Variants in RYK observed in about 807,000 individuals in gnomAD.
RYK encodes receptor like tyrosine kinase.
In RYK, 21 loss-of-function variants were observed where a neutral mutation model predicts 70.2. The ratio of observed to expected loss-of-function variants is 0.30; its 90% CI spans 0.21 to 0.43. RYK has a LOEUF of 0.43. Ranked by LOEUF, RYK falls within the 20% of genes least tolerant of loss-of-function variation. The pLI is 1.00. For synonymous variants in RYK, 267 were observed against 278.0 expected (o/e 0.96, Z 0.39); for missense variants, 604 against 753.3 (o/e 0.80, Z 2.32).
At chr3:134,250,365 C>T in intron 1 of RYK, 58 bp downstream of exon 1, 2 of 1,151,568 alleles carry the variant, frequency 1.7e-6, no homozygotes, top group South Asian at 2.1e-5. Context: ...CCGCCGGCGG[C>T]CGGAAGCTGC....
intron 1 of RYK, among the ~76,000 whole-genome samples, chr3:134,232,841 C>T (rs890564867): frequency 6.6e-6 from 1 of 152,174 alleles, no homozygotes; most frequent in Admixed American, 6.5e-5. Context: ...TATTAATTTT[C>T]CTAGGCAAGG....
At position 134,157,710 on chromosome 3, in the gene RYK, T is replaced by A. The variant is rs1413767963; in HGVS notation, c.*443A>T. On this transcript the variant is annotated 3_prime_UTR_variant, in exon 15 of 15. Coordinates refer to ENST00000623711, the MANE Select transcript of RYK (RefSeq NM_002958.4). ...AGTATTGCATCTTGAAGACAAACCATTTCCCAGAGTAGTGATAAAAAATAA... is the reference window on the plus strand; with the variant it reads ...AGTATTGCATCTTGAAGACAAACCAATTCCCAGAGTAGTGATAAAAAATAA... 6.5e-6 allele frequency: 1 copy of A among 152,870 alleles called. No homozygotes were observed. Among genetic ancestry groups the A allele is most frequent in the East Asian group, 1.9e-4 (1 of 5,202 alleles). The allele number at this position is 152,870 out of a possible 1,614,324, so 9.5% of individuals were successfully genotyped here.
rs114287558 is a variant in RYK, at chr3:134,192,783, C to A, written c.890-809G>T. ...TGATCATCAATGGTTGCCAGGAGAA[C>A]CACATGAAAAGTTTTGGGCAACTTT... On this transcript the variant is annotated intron_variant, in intron 7 of 14. Transcript: ENST00000623711. 6.2e-3 allele frequency among the ~76,000 whole-genome samples: 938 copies of A among 152,290 alleles called. 10 individuals carry two copies. Among genetic ancestry groups the A allele is most frequent in the African/African-American group, 0.022 (899 of 41,556 alleles).
At chr3:134,193,617 C>T (rs367551098) in intron 7 of RYK, among the ~76,000 whole-genome samples, 2 of 152,288 alleles carry the variant, frequency 1.3e-5, no homozygotes, top group African/African-American at 4.8e-5. Flanking sequence ...AATGATGTGC[C>T]TCTTCTGAGT....
intron 9 of RYK, among the ~76,000 whole-genome samples, chr3:134,187,354 AAAATTTT>A (rs2013497495): frequency 6.6e-6 from 1 of 152,214 alleles, no homozygotes; most frequent in Non-Finnish European, 1.5e-5. Flanking sequence ...TAAACTGTAT[AAAATTTT>A]ATCACTTTCT....
chr3:134,164,217 T>A (rs10935104), intron 13 of RYK, among the ~76,000 whole-genome samples: 36,310 of 152,122 alleles, frequency 0.24, 5,992 homozygotes, highest in East Asian at 0.79. Flanking sequence ...ATTTGTTAGC[T>A]GCAGTGATCA....
In RYK at chr3:134,192,120, G is replaced by A. The variant is rs563051019; in HGVS notation, c.890-146C>T. ...GGAAACAGGCATATATATGAACTAG[G>A]AGAGTTATTTGAAGGCCACACTAAA... On this transcript the variant is annotated intron_variant, in intron 7 of 14. Coordinates refer to ENST00000623711, the MANE Select transcript of RYK (RefSeq NM_002958.4). 1.8e-5 allele frequency: 13 copies of A among 722,684 alleles called. 1 individual carries two copies. In the Admixed American group the frequency reaches 2.1e-4, roughly 12 times the overall value. The allele number at this position is 722,684 out of a possible 1,614,324, so 44.8% of individuals were successfully genotyped here. A position where few individuals can be genotyped will look rare whatever the true frequency, so the allele number is the denominator to read the frequency against.
At chr3:134,177,241 T>C (rs2013137128) in intron 11 of RYK, among the ~76,000 whole-genome samples, 2 of 152,158 alleles carry the variant, frequency 1.3e-5, no homozygotes, top group Admixed American at 6.5e-5. Flanking sequence ...AGCTTTAGTC[T>C]TGTCAATTTA....
rs1489242446 is a variant in RYK, at chr3:134,166,079, G to A, written c.1576-6706C>T. On this transcript the variant is annotated intron_variant, in intron 13 of 14. Coordinates refer to ENST00000623711, the MANE Select transcript of RYK (RefSeq NM_002958.4). ...ATGACATAAATTTTGGAAGGCCAGT[G>A]GCAGAATGTGGTGGACTGAATGTGT... Among the ~76,000 whole-genome samples, 2 of 152,206 alleles carry A rather than the reference G, an allele frequency of 1.3e-5. 1 individual carries two copies.
intron 9 of RYK, 88 bp downstream of exon 9, chr3:134,188,749 A>G (rs1197979109): frequency 2.4e-5 from 18 of 757,266 alleles, no homozygotes; most frequent in Non-Finnish European, 3.8e-5. Context: ...GGTCTGGCAC[A>G]CATTGGGAAA....
intron 6 of RYK, among the ~76,000 whole-genome samples, chr3:134,202,227 A>T (rs1309506255): frequency 6.6e-6 from 1 of 152,206 alleles, no homozygotes; most frequent in Non-Finnish European, 1.5e-5. Flanking sequence ...TACTACCACA[A>T]ACCAACTGCA....
In RYK at chr3:134,250,562, A is replaced by AAGCAGC; in HGVS notation, c.87_92dup (p.Leu32_Leu33dup). ...GCAGCAGCGGCAACAGCGCAAGCAG[A>AAGCAGC]AGCAGCAGCGGCGGCGGCGGCGGGG... On this transcript the variant is annotated inframe_insertion, in exon 1 of 15. Coordinates refer to ENST00000623711, the MANE Select transcript of RYK (RefSeq NM_002958.4). The AAGCAGC allele has an allele frequency of 9.2e-7, 1 of 1,091,514 alleles. No individual in the cohort carries two copies. The highest frequency in any genetic ancestry group is 1.1e-6 in the Non-Finnish European group (1 of 876,390). The allele number at this position is 1,091,514 out of a possible 1,614,324, so 67.6% of individuals were successfully genotyped here. A position where few individuals can be genotyped will look rare whatever the true frequency, so the allele number is the denominator to read the frequency against.
At chr3:134,197,958 T>A (rs1252666582) in intron 6 of RYK, among the ~76,000 whole-genome samples, 1 of 152,182 alleles carries the variant, frequency 6.6e-6, no homozygotes, top group African/African-American at 2.4e-5. Flanking sequence ...CAACAGATAT[T>A]AAGTGGGTCC....
At chr3:134,224,281 A>C (rs1317642695) in intron 1 of RYK, among the ~76,000 whole-genome samples, 2 of 152,176 alleles carry the variant, frequency 1.3e-5, no homozygotes, top group South Asian at 2.1e-4. Flanking sequence ...AGGTCACATA[A>C]GTCACGTGTC....
chr3:134,216,254 C>T (rs1245973607), intron 2 of RYK, among the ~76,000 whole-genome samples: 1 of 152,144 alleles, frequency 6.6e-6, no homozygotes, highest in Non-Finnish European at 1.5e-5. Flanking sequence ...CACTTGTCTA[C>T]AGCCAAATAG....
Position 134,202,662 on chromosome 3 carries a change from G to C in RYK, c.788+68C>G, listed in dbSNP as rs2014061784. 4 of 1,422,128 alleles carry C rather than the reference G, an allele frequency of 2.8e-6. No homozygotes were observed. The South Asian group carries it at 4.9e-5, about 17-fold the overall frequency. The allele number at this position is 1,422,128 out of a possible 1,614,324, so 88.1% of individuals were successfully genotyped here. ...TCCCTGCACCACTGTGCATCGATGT[G>C]TATGGGCTCCCACATATATACAAAT... On this transcript the variant is annotated intron_variant, in intron 6 of 14. Transcript: ENST00000623711.
At chr3:134,158,715 C>A (rs1369815958) in intron 14 of RYK, among the ~76,000 whole-genome samples, 1 of 152,156 alleles carries the variant, frequency 6.6e-6, no homozygotes, top group Non-Finnish European at 1.5e-5. Flanking sequence ...TCTGTACGAT[C>A]AATCACCCTG....
chr3:134,158,304 T>C (rs1433032775), intron 14 of RYK, 40 bp from the exon 15 acceptor site: 3 of 1,337,636 alleles, frequency 2.2e-6, no homozygotes, highest in Non-Finnish European at 1.0e-6. Context: ...CTAGTAAGGA[T>C]ACAGTATTCA....
At chr3:134,246,301 A>C (rs1337288045) in intron 1 of RYK, among the ~76,000 whole-genome samples, 2 of 103,664 alleles carry the variant, frequency 1.9e-5, no homozygotes, top group East Asian at 6.8e-4. Flanking sequence ...CTCAGAAAGA[A>C]ATACACACAC....
Sources: allele counts gnomAD v4.1 joint callset (sites outside exome capture counted in the v4.1 genomes callset), GRCh38; gene constraint gnomAD v4.1.1; transcripts MANE v1.5; gene names NCBI Gene and HGNC (gene_info 2026-07-23, HGNC 2026-07-21).